The following DLGAP2 variants were observed in gnomAD, a reference collection of about 807,000 sequenced individuals.
DLGAP2 encodes the protein disks large-associated protein 2.
A neutral mutation model predicts 100.3 loss-of-function variants in DLGAP2; 26 were observed. The observed-to-expected ratio is 0.26, with a 90% CI of 0.19 to 0.36. The LOEUF (loss-of-function observed/expected upper bound fraction) is 0.36, where lower values mean the gene tolerates loss of function less well. Among genes scored for constraint, DLGAP2 ranks in the 10% least tolerant of loss-of-function variants. The probability of loss-of-function intolerance (pLI) is 1.00; values close to 1 mark genes in which losing one functional copy is unlikely to be tolerated. For synonymous variants in DLGAP2, 886 were observed against 630.1 expected (o/e 1.41, Z -6.08); for missense variants, 1,858 against 1,453.2 (o/e 1.28, Z -4.53).
chr8:814,011 G>A (rs1045523207), intron 1 of DLGAP2, among the ~76,000 whole-genome samples: 2 of 152,102 alleles, frequency 1.3e-5, no homozygotes, highest in African/African-American at 2.4e-5. Flanking sequence ...AATTTTAATG[G>A]TGACCTCCTA....
chr8:1,243,101 C>G (rs1362459791), intron 2 of DLGAP2, among the ~76,000 whole-genome samples: 1 of 152,172 alleles, frequency 6.6e-6, no homozygotes, highest in South Asian at 2.1e-4. Context: ...TTCCTGACTG[C>G]TTGAATATTT....
At chr8:1,358,775 C>A (rs943269873) in intron 3 of DLGAP2, among the ~76,000 whole-genome samples, 3 of 152,062 alleles carry the variant, frequency 2.0e-5, no homozygotes, top group Non-Finnish European at 4.4e-5. Context: ...GTGGGCTAAG[C>A]GGGGCTGGGC....
intron 2 of DLGAP2, among the ~76,000 whole-genome samples, chr8:1,072,170 A>T (rs555068105): frequency 6.6e-6 from 1 of 152,282 alleles, no homozygotes; most frequent in South Asian, 2.1e-4. Flanking sequence ...GTTACAGAAA[A>T]GTTGGTGACA....
intron 12 of DLGAP2, among the ~76,000 whole-genome samples, chr8:1,690,933 G>A (rs1799244083): frequency 6.6e-6 from 1 of 152,024 alleles, no homozygotes; most frequent in African/African-American, 2.4e-5. Context: ...TCTCCAGGAG[G>A]GAAGCCACAT....
intron 3 of DLGAP2, among the ~76,000 whole-genome samples, chr8:1,476,527 T>C (rs940689363): frequency 6.6e-6 from 1 of 152,134 alleles, no homozygotes; most frequent in Non-Finnish European, 1.5e-5. Context: ...GCTTGGGTAT[T>C]TTCATCACAC....
intron 2 of DLGAP2, among the ~76,000 whole-genome samples, chr8:1,169,410 T>C (rs951198108): frequency 6.6e-6 from 1 of 152,314 alleles, no homozygotes; most frequent in East Asian, 1.9e-4. Flanking sequence ...TTTTTCCAAT[T>C]CTGTGAAGAA....
chr8:1,664,712 T>C (rs1195625274), intron 8 of DLGAP2, among the ~76,000 whole-genome samples: 1 of 152,244 alleles, frequency 6.6e-6, no homozygotes, highest in Non-Finnish European at 1.5e-5. Flanking sequence ...GCAGCCTTGC[T>C]GATAACGGTG....
At chr8:972,820 T>A (rs918722305) in intron 2 of DLGAP2, among the ~76,000 whole-genome samples, 3 of 152,140 alleles carry the variant, frequency 2.0e-5, no homozygotes, top group Non-Finnish European at 2.9e-5. Context: ...TGGTGATGAC[T>A]CTTAACGAGC....
chr8:982,165 C>G (rs889269862), intron 2 of DLGAP2, among the ~76,000 whole-genome samples: 1 of 152,218 alleles, frequency 6.6e-6, no homozygotes, highest in Non-Finnish European at 1.5e-5. Context: ...GGTTGTATAA[C>G]TCCACTGTGT....
At chr8:1,067,338 T>C (rs532103757) in intron 2 of DLGAP2, among the ~76,000 whole-genome samples, 33 of 152,338 alleles carry the variant, frequency 2.2e-4, no homozygotes, top group African/African-American at 7.0e-4. Context: ...TTTTCTGACC[T>C]GTTGGTGTTC....
At chr8:973,950 G>A (rs1000804133) in intron 2 of DLGAP2, among the ~76,000 whole-genome samples, 13 of 151,424 alleles carry the variant, frequency 8.6e-5, no homozygotes, top group South Asian at 4.1e-4. Flanking sequence ...CGCAAGCTGC[G>A]CGCGCAGACC....
At chr8:1,310,997 G>T (rs1014579596) in intron 3 of DLGAP2, among the ~76,000 whole-genome samples, 11 of 151,864 alleles carry the variant, frequency 7.2e-5, no homozygotes, top group Admixed American at 6.6e-5. Context: ...ACTGAAGTCA[G>T]TTGATTGAAA....
chr8:1,441,390 C>T (rs926320470), intron 3 of DLGAP2, among the ~76,000 whole-genome samples: 1 of 152,030 alleles, frequency 6.6e-6, no homozygotes, highest in Non-Finnish European at 1.5e-5. Flanking sequence ...ACCTAAGGCC[C>T]CATTTAAAGT....
intron 1 of DLGAP2, among the ~76,000 whole-genome samples, chr8:814,971 G>A (rs1488381874): frequency 1.3e-5 from 2 of 151,378 alleles, no homozygotes; most frequent in Non-Finnish European, 2.9e-5. Flanking sequence ...AGAAGATTAA[G>A]CTAAAGAAAT....
intron 2 of DLGAP2, among the ~76,000 whole-genome samples, chr8:1,048,640 C>T (rs1802585914): frequency 6.6e-6 from 1 of 151,806 alleles, no homozygotes. Flanking sequence ...AAGCTGGGCT[C>T]AAACCACATG....
intron 6 of DLGAP2, among the ~76,000 whole-genome samples, chr8:1,572,693 G>A (rs1193663713): frequency 1.2e-4 from 12 of 96,374 alleles, no homozygotes; most frequent in Admixed American, 4.2e-4. Context: ...AGAGAGGGTG[G>A]ACTGTGGGGG....
At chr8:783,460 A>T (rs1188716027) in intron 1 of DLGAP2, among the ~76,000 whole-genome samples, 2 of 152,216 alleles carry the variant, frequency 1.3e-5, no homozygotes, top group African/African-American at 4.8e-5. Flanking sequence ...AAAGACAGAT[A>T]GTTTTCTGGG....
At chr8:791,114 AT>A in intron 1 of DLGAP2, among the ~76,000 whole-genome samples, 1 of 152,222 alleles carries the variant, frequency 6.6e-6, no homozygotes, top group Non-Finnish European at 1.5e-5. Context: ...TATTTGCTTA[AT>A]TTTTCCCCGA....
chr8:995,357 T>G (rs766810529), intron 2 of DLGAP2, among the ~76,000 whole-genome samples: 1 of 152,234 alleles, frequency 6.6e-6, no homozygotes, highest in Non-Finnish European at 1.5e-5. Flanking sequence ...TCTTTTGATG[T>G]CAATGAAATA....
Sources: allele counts gnomAD v4.1 joint callset (sites outside exome capture counted in the v4.1 genomes callset), GRCh38; gene constraint gnomAD v4.1.1; transcripts MANE v1.5; gene names NCBI Gene and HGNC (gene_info 2026-07-23, HGNC 2026-07-21).